KLHL13: variants seen among roughly 807,000 people sequenced by gnomAD.
KLHL13 encodes kelch-like protein 13.
Under a neutral mutation model 37.1 loss-of-function variants are expected in KLHL13, and 10 were observed. The ratio of observed to expected loss-of-function variants is 0.27; its 90% CI spans 0.17 to 0.46. KLHL13 has a LOEUF of 0.46. Among genes scored for constraint, KLHL13 ranks in the 20% least tolerant of loss-of-function variants. The pLI, the probability that KLHL13 is intolerant of heterozygous loss-of-function variation, is 1.00. For missense variants in KLHL13, 360 were observed against 509.3 expected, an observed-to-expected ratio of 0.71 and a Z score of 2.82; for synonymous variants, 163 against 181.2, an observed-to-expected ratio of 0.90 and a Z score of 0.81.
chrX:118,095,222 A>G (rs1187281703), intron 1 of KLHL13, among the ~76,000 whole-genome samples: 10 of 110,822 alleles, frequency 9.0e-5, no homozygotes, highest in Non-Finnish European at 1.3e-4. Flanking sequence ...GAAAACAAAA[A>G]AAGGCAGGGG....
intron 1 of KLHL13, among the ~76,000 whole-genome samples, chrX:118,100,689 C>G (rs898024586): frequency 9.0e-6 from 1 of 111,276 alleles, no homozygotes; most frequent in Admixed American, 9.6e-5. Flanking sequence ...TATTTAAATC[C>G]CTCCATTTTC....
At chrX:117,964,126 G>C (rs1297858628) in intron 1 of KLHL13, among the ~76,000 whole-genome samples, 1 of 101,155 alleles carries the variant, frequency 9.9e-6, no homozygotes, top group Non-Finnish European at 2.0e-5. Flanking sequence ...GCACCAGCAT[G>C]GCACATGTAT....
intron 1 of KLHL13, among the ~76,000 whole-genome samples, chrX:117,958,224 C>T (rs1232457352): frequency 9.0e-6 from 1 of 111,667 alleles, no homozygotes; most frequent in Non-Finnish European, 1.9e-5. Context: ...TCCATATACA[C>T]TACGTTTTAT....
intron 1 of KLHL13, among the ~76,000 whole-genome samples, chrX:118,006,975 C>T (rs995047506): frequency 9.0e-6 from 1 of 111,598 alleles, no homozygotes; most frequent in East Asian, 2.8e-4. Flanking sequence ...AAGGGGCAGG[C>T]ATTGGGGGCC....
At chrX:117,983,590 T>C (rs758200304) in intron 1 of KLHL13, 1 of 901,783 alleles carries the variant, frequency 1.1e-6, no homozygotes, top group South Asian at 2.3e-5. Context: ...TGTAGTTTTA[T>C]TATATTTAGT....
chrX:117,965,089 T>G (rs1310419658), intron 1 of KLHL13, among the ~76,000 whole-genome samples: 2 of 112,081 alleles, frequency 1.8e-5, no homozygotes, highest in Admixed American at 1.9e-4. Flanking sequence ...TTATAATCCT[T>G]TGGGTATATA....
intron 1 of KLHL13, among the ~76,000 whole-genome samples, chrX:118,105,610 A>T (rs1196687524): frequency 8.9e-6 from 1 of 112,695 alleles, no homozygotes; most frequent in Non-Finnish European, 1.9e-5. Flanking sequence ...GCCGATATCA[A>T]ATTGACTCAT....
At chrX:117,934,434 T>C (rs146116796) in intron 2 of KLHL13, among the ~76,000 whole-genome samples, 192 of 111,256 alleles carry the variant, frequency 1.7e-3, no homozygotes, top group African/African-American at 5.8e-3. Flanking sequence ...GTTTAGGGAA[T>C]AGTGAAAAAT....
At chrX:118,095,205 G>A (rs1191274534) in intron 1 of KLHL13, among the ~76,000 whole-genome samples, 1 of 110,538 alleles carries the variant, frequency 9.0e-6, no homozygotes, top group African/African-American at 3.3e-5. Flanking sequence ...GATCTACCAA[G>A]CAAATGGAAA....
intron 1 of KLHL13, among the ~76,000 whole-genome samples, chrX:117,984,063 A>G (rs2053696170): frequency 8.9e-6 from 1 of 111,815 alleles, no homozygotes; most frequent in Non-Finnish European, 1.9e-5. Flanking sequence ...AATTCTTTTT[A>G]TTTTCATACT....
chrX:118,069,067 T>G (rs1330845468), intron 1 of KLHL13, among the ~76,000 whole-genome samples: 2 of 106,541 alleles, frequency 1.9e-5, no homozygotes, highest in Non-Finnish European at 3.8e-5. Context: ...AGCGCTTTGG[T>G]GGAGCCCTGC....
chrX:117,901,569 A>G (rs1338569821), intron 6 of KLHL13, among the ~76,000 whole-genome samples: 3 of 107,705 alleles, frequency 2.8e-5, no homozygotes, highest in Non-Finnish European at 5.8e-5. Flanking sequence ...CAGTGGCGCA[A>G]TCTCGGCTCA....
At chrX:117,930,318 C>A (rs577119731) in intron 2 of KLHL13, among the ~76,000 whole-genome samples, 7 of 100,359 alleles carry the variant, frequency 7.0e-5, no homozygotes, top group South Asian at 4.8e-4. Flanking sequence ...GGCAGGCAGG[C>A]AGGAAGGCAG....
At chrX:118,043,290 A>C (rs1430634259) in intron 1 of KLHL13, among the ~76,000 whole-genome samples, 1 of 111,799 alleles carries the variant, frequency 8.9e-6, no homozygotes, top group Non-Finnish European at 1.9e-5. Flanking sequence ...GGCTTCACTG[A>C]TGAATTTTAC....
At chrX:117,961,576 C>G (rs1416857570) in intron 1 of KLHL13, among the ~76,000 whole-genome samples, 1 of 111,237 alleles carries the variant, frequency 9.0e-6, no homozygotes, top group Non-Finnish European at 1.9e-5. Context: ...TTGTTTTATC[C>G]AGGTAGCCTA....
chrX:118,108,982 T>A, intron 1 of KLHL13, among the ~76,000 whole-genome samples: 1 of 110,674 alleles, frequency 9.0e-6, no homozygotes, highest in East Asian at 2.9e-4. Context: ...AATTTTTAAA[T>A]TTTTTTTTGT....
chrX:118,046,529 ATAACT>A (rs1404392516), intron 1 of KLHL13, among the ~76,000 whole-genome samples: 1 of 111,982 alleles, frequency 8.9e-6, no homozygotes, highest in Admixed American at 9.5e-5. Flanking sequence ...ACATTTTAAA[ATAACT>A]TAAAGAGTAT....
chrX:118,035,824 GA>G, intron 1 of KLHL13, among the ~76,000 whole-genome samples: 1 of 104,479 alleles, frequency 9.6e-6, no homozygotes, highest in East Asian at 2.9e-4. Flanking sequence ...CAGACGACAT[GA>G]TTGTATATCT....
At chrX:117,912,843 TA>T (rs941391576) in intron 4 of KLHL13, among the ~76,000 whole-genome samples, 1 of 111,888 alleles carries the variant, frequency 8.9e-6, no homozygotes, top group African/African-American at 3.2e-5. Context: ...ACAGCTACTA[TA>T]CTGTGAGTAT....
Sources: allele counts gnomAD v4.1 joint callset (sites outside exome capture counted in the v4.1 genomes callset), GRCh38; gene constraint gnomAD v4.1.1; transcripts MANE v1.5; gene names NCBI Gene and HGNC (gene_info 2026-07-23, HGNC 2026-07-21).